Variants in FAM174A observed in about 807,000 individuals in gnomAD.
FAM174A encodes the protein membrane protein FAM174A.
A neutral mutation model predicts 14.3 loss-of-function variants in FAM174A; 14 were observed. That is an observed-to-expected ratio of 0.98 (90% CI 0.65 to 1.53). The LOEUF (loss-of-function observed/expected upper bound fraction) is 1.53, where lower values mean the gene tolerates loss of function less well. Ranked by LOEUF, FAM174A falls within the 40% of genes most tolerant of loss-of-function variation. FAM174A has a pLI of 0.00. For synonymous variants in FAM174A, 108 were observed against 111.4 expected (o/e 0.97, Z 0.19); for missense variants, 241 against 249.6 (o/e 0.97, Z 0.23).
At chr5:100,572,321 T>C (rs1746803064) in intron 2 of FAM174A, among the ~76,000 whole-genome samples, 3 of 150,818 alleles carry the variant, frequency 2.0e-5, no homozygotes, top group African/African-American at 4.9e-5. Context: ...TACATATGTA[T>C]ACATGTGCCA....
At chr5:100,548,895 A>G (rs759827220) in intron 1 of FAM174A, among the ~76,000 whole-genome samples, 2 of 151,948 alleles carry the variant, frequency 1.3e-5, no homozygotes, top group Admixed American at 6.6e-5. Flanking sequence ...TACTATCACT[A>G]TTTTCATTTT....
intron 2 of FAM174A, among the ~76,000 whole-genome samples, chr5:100,579,110 A>G (rs1003467812): frequency 6.6e-6 from 1 of 152,242 alleles, no homozygotes; most frequent in Non-Finnish European, 1.5e-5. Context: ...CTGGTAATCC[A>G]TGTCACTGCC....
intron 1 of FAM174A, among the ~76,000 whole-genome samples, chr5:100,537,230 T>C (rs1400790927): frequency 6.6e-6 from 1 of 152,222 alleles, no homozygotes; most frequent in East Asian, 1.9e-4. Flanking sequence ...AAGGATTTAA[T>C]GCAGAAGTAA....
At chr5:100,563,831 G>A (rs1321582306) in intron 2 of FAM174A, among the ~76,000 whole-genome samples, 2 of 151,698 alleles carry the variant, frequency 1.3e-5, no homozygotes, top group South Asian at 2.1e-4. Flanking sequence ...ATCAATAACA[G>A]CAGGAAAACA....
At chr5:100,574,336 G>A (rs755384245) in intron 2 of FAM174A, among the ~76,000 whole-genome samples, 4 of 151,848 alleles carry the variant, frequency 2.6e-5, no homozygotes, top group Non-Finnish European at 4.4e-5. Context: ...TTACAGATGT[G>A]CCCACCAAGC....
At chr5:100,581,186 T>G (rs1747004084) in intron 2 of FAM174A, among the ~76,000 whole-genome samples, 1 of 152,064 alleles carries the variant, frequency 6.6e-6, no homozygotes, top group Non-Finnish European at 1.5e-5. Flanking sequence ...CACCCGGGCC[T>G]CCCAAAGTGC....
At chr5:100,581,457 T>C (rs942224780) in intron 2 of FAM174A, 7 of 897,090 alleles carry the variant, frequency 7.8e-6, no homozygotes, top group Non-Finnish European at 9.3e-6. Flanking sequence ...GTTAATCAAA[T>C]AAGAGCCTAT....
At chr5:100,556,591 A>G (rs1245816315) in intron 1 of FAM174A, among the ~76,000 whole-genome samples, 2 of 152,082 alleles carry the variant, frequency 1.3e-5, no homozygotes, top group East Asian at 1.9e-4. Flanking sequence ...ATGTTCTTCC[A>G]TTTCTTTGTA....
chr5:100,535,406 A>G lies in FAM174A; in HGVS notation c.-125A>G, dbSNP rs1745916905. 3 of 1,043,046 alleles carry G rather than the reference A, an allele frequency of 2.9e-6. No homozygotes were observed. Among genetic ancestry groups the G allele is most frequent in the Admixed American group, 2.2e-5 (1 of 44,518 alleles). 64.6% of individuals were successfully genotyped at this position (1,043,046 alleles called of 1,614,324 possible). On this transcript the variant is annotated 5_prime_UTR_variant, in exon 1 of 3. Transcript: ENST00000312637. ...ACTGCTGTAGCTTCTGCCACCTGCCACGACCGGGCCTCTCCCTGGCGTTTG... is the reference window on the plus strand; with the variant it reads ...ACTGCTGTAGCTTCTGCCACCTGCCGCGACCGGGCCTCTCCCTGGCGTTTG...
intron 1 of FAM174A, among the ~76,000 whole-genome samples, chr5:100,538,508 C>T (rs567881731): frequency 2.7e-5 from 4 of 150,300 alleles, no homozygotes; most frequent in Admixed American, 2.0e-4. Flanking sequence ...AAATACAAAA[C>T]ATATATATAT....
At chr5:100,571,771 T>C (rs2112395735) in intron 2 of FAM174A, among the ~76,000 whole-genome samples, 1 of 151,108 alleles carries the variant, frequency 6.6e-6, no homozygotes, top group Non-Finnish European at 1.5e-5. Context: ...TCTTTTACTG[T>C]TGTTATTGTG....
chr5:100,566,803 T>A (rs890934212), intron 2 of FAM174A, among the ~76,000 whole-genome samples: 1 of 151,930 alleles, frequency 6.6e-6, no homozygotes, highest in Non-Finnish European at 1.5e-5. Flanking sequence ...TTGTAATCTA[T>A]GCTAATCATC....
intron 2 of FAM174A, among the ~76,000 whole-genome samples, chr5:100,583,850 G>A (rs949570381): frequency 2.6e-5 from 4 of 152,016 alleles, no homozygotes; most frequent in Non-Finnish European, 4.4e-5. Context: ...CTCTCTATTG[G>A]GATCTCTTCC....
At chr5:100,560,531 T>C (rs1385939034) in intron 1 of FAM174A, among the ~76,000 whole-genome samples, 1 of 152,066 alleles carries the variant, frequency 6.6e-6, no homozygotes, top group East Asian at 1.9e-4. Flanking sequence ...GGAAATTTTC[T>C]TTGTTTGTAC....
rs1486019814 is a variant in FAM174A at position 100,562,154 on chromosome 5, G to T, written c.535G>T (p.Asp179Tyr). 6.3e-7 allele frequency: 1 copy of T among 1,582,626 alleles called. No homozygotes were observed. The highest frequency in any genetic ancestry group is 8.6e-7 in the Non-Finnish European group (1 of 1,167,478). ...TPLEQDDEDD[D>Y]NTLFDANHPR... ...TTTAGAACAGGATGATGAGGATGAT[G>T]ACAACACGTTGTTTGATGCCAATCA... The change falls in exon 2 of 3, where the codon GAC becomes TAC. Residue 179 changes from aspartate (D) to tyrosine (Y), a missense_variant. By Grantham distance (160) the Asp-to-Tyr change is radical. Transcript: ENST00000312637.
At chr5:100,545,651 T>A (rs970919929) in intron 1 of FAM174A, among the ~76,000 whole-genome samples, 5 of 152,194 alleles carry the variant, frequency 3.3e-5, no homozygotes, top group Non-Finnish European at 7.4e-5. Flanking sequence ...AAGATAAAAC[T>A]GTCTCTATGT....
At position 100,535,872 on chromosome 5, in the gene FAM174A, C is replaced by T. The variant is rs969694870; in HGVS notation, c.342C>T (p.Asn114=). The part of the protein sequence containing the change: ...SVGGGLAVSP[N]PGDKPMTQRA... ...GTGGCGGCCTTGCTGTGAGCCCCAA[C>T]CCTGGCGACAAGCCCATGACCCAGC... The change falls in exon 1 of 3, where the codon AAC becomes AAT. Residue 114 remains asparagine, a synonymous_variant. Coordinates refer to ENST00000312637, the MANE Select transcript of FAM174A (RefSeq NM_198507.3). 6.2e-7 allele frequency: 1 copy of T among 1,613,068 alleles called. No individual in the cohort carries two copies.
intron 1 of FAM174A, among the ~76,000 whole-genome samples, chr5:100,542,830 A>ATATT (rs1364620902): frequency 6.7e-6 from 1 of 149,734 alleles, no homozygotes; most frequent in Non-Finnish European, 1.5e-5. Context: ...CCTGCTTATT[A>ATATT]TATTTATATA....
chr5:100,559,347 C>A (rs952671441), intron 1 of FAM174A, among the ~76,000 whole-genome samples: 1 of 152,070 alleles, frequency 6.6e-6, no homozygotes, highest in Non-Finnish European at 1.5e-5. Context: ...GTAACCCGAC[C>A]GTTTTCTCTG....
Sources: gnomAD v4.1 joint callset for allele counts (sites outside exome capture counted in the v4.1 genomes callset) on GRCh38, gnomAD v4.1.1 for gene constraint, MANE v1.5 for transcripts, NCBI Gene and HGNC (gene_info 2026-07-23, HGNC 2026-07-21) for gene names.